The following PTPN12 variants were observed in gnomAD, a reference collection of about 807,000 sequenced individuals.
PTPN12 encodes the protein protein tyrosine phosphatase non-receptor type 12, also known as tyrosine-protein phosphatase non-receptor type 12.
PTPN12 carries 29 observed loss-of-function variants against 97.6 expected under a neutral mutation model. The observed-to-expected ratio is 0.30, with a 90% CI of 0.22 to 0.41. The LOEUF is 0.41. Among genes scored for constraint, PTPN12 ranks in the 10% least tolerant of loss-of-function variants. The pLI, the probability that PTPN12 is intolerant of heterozygous loss-of-function variation, is 1.00. For synonymous variants in PTPN12, 327 were observed against 300.4 expected, an observed-to-expected ratio of 1.09 and a Z score of -0.91; for missense variants, 819 against 926.0, an observed-to-expected ratio of 0.88 and a Z score of 1.50.
chr7:77,544,192 T>G (rs1807117206), intron 1 of PTPN12, among the ~76,000 whole-genome samples: 1 of 152,242 alleles, frequency 6.6e-6, no homozygotes, highest in Admixed American at 6.5e-5. Flanking sequence ...TCTTTTTGAT[T>G]ATAGGCATCC....
intron 2 of PTPN12, among the ~76,000 whole-genome samples, chr7:77,576,267 C>T (rs1361038527): frequency 6.6e-6 from 1 of 152,170 alleles, no homozygotes; most frequent in Non-Finnish European, 1.5e-5. Flanking sequence ...TTGAATAATG[C>T]TGCTATGAAC....
Position 77,639,467 on chromosome 7 carries a change from T to C in PTPN12, c.*187T>C, listed in dbSNP as rs1789722374. The C allele has an allele frequency of 1.9e-6, 1 of 529,430 alleles. No individual in the cohort carries two copies. Among genetic ancestry groups the C allele is most frequent in the Admixed American group, 3.6e-5 (1 of 27,610 alleles). The allele number at this position is 529,430 out of a possible 1,614,324, so 32.8% of individuals were successfully genotyped here. A position where few individuals can be genotyped will look rare whatever the true frequency, so the allele number is the denominator to read the frequency against. On this transcript the variant is annotated 3_prime_UTR_variant, in exon 18 of 18. Coordinates refer to ENST00000248594, the MANE Select transcript of PTPN12 (RefSeq NM_002835.4). The stretch of plus-strand genomic sequence containing the variant: ...AGGAAAAAGTATTACATATGGTTTA[T>C]TTTGAAACTTCAAGTATTATTGCCT...
chr7:77,540,038 G>A (rs1252200167), intron 1 of PTPN12, among the ~76,000 whole-genome samples: 1 of 151,956 alleles, frequency 6.6e-6, no homozygotes, highest in African/African-American at 2.4e-5. Context: ...GTGGTCCCTG[G>A]TCATTTCTTG....
intron 1 of PTPN12, among the ~76,000 whole-genome samples, chr7:77,557,418 TG>T (rs773426704): frequency 1.3e-5 from 2 of 152,212 alleles, no homozygotes; most frequent in Non-Finnish European, 2.9e-5. Flanking sequence ...CTCTCCAGTT[TG>T]GGGGCAGCTG....
chr7:77,576,466 G>A (rs571612768), intron 2 of PTPN12, among the ~76,000 whole-genome samples: 30 of 152,092 alleles, frequency 2.0e-4, no homozygotes, highest in Non-Finnish European at 3.4e-4. Flanking sequence ...TTGGGAGGCC[G>A]AAGCGGGCAG....
At position 77,537,536 on chromosome 7, in the gene PTPN12, G is replaced by T. The variant is rs1468460796; in HGVS notation, c.-11G>T. On this transcript the variant is annotated 5_prime_UTR_variant, in exon 1 of 18. Transcript: ENST00000248594. Reference sequence around the variant, plus strand: ...GGGGGCCAGCGACCGCAGCCGGGGGGACGCGGGAGGATGGAGCAAGTGGAG... The same window carrying T: ...GGGGGCCAGCGACCGCAGCCGGGGGTACGCGGGAGGATGGAGCAAGTGGAG... The T allele has an allele frequency of 1.3e-6, 2 of 1,586,740 alleles. No homozygotes were observed. The highest frequency in any genetic ancestry group is 1.7e-5 in the Admixed American group (1 of 57,418).
At chr7:77,626,556 A>T in intron 12 of PTPN12, 149 bp from the exon 13 acceptor site, 1 of 735,488 alleles carries the variant, frequency 1.4e-6, no homozygotes. Context: ...ACCTTGATGA[A>T]CATTAAATTT....
chr7:77,625,472 G>GCTCTCGCTCTCTCTCT (rs1554326599), intron 12 of PTPN12, among the ~76,000 whole-genome samples: 2 of 33,522 alleles, frequency 6.0e-5, no homozygotes, highest in Non-Finnish European at 1.0e-4. Flanking sequence ...CAGGCTGCTC[G>GCTCTCGCTCTCTCTCT]CTCTCTCTCT....
chr7:77,559,519 G>A (rs1199387808), intron 1 of PTPN12, among the ~76,000 whole-genome samples: 2 of 152,156 alleles, frequency 1.3e-5, no homozygotes, highest in African/African-American at 2.4e-5. Context: ...AAAAGTGAGT[G>A]TCTTTAGGTA....
At chr7:77,613,357 T>G (rs1160111983) in intron 11 of PTPN12, among the ~76,000 whole-genome samples, 1 of 150,544 alleles carries the variant, frequency 6.6e-6, no homozygotes, top group Non-Finnish European at 1.5e-5. Flanking sequence ...GTATTTTTAG[T>G]AGAGACAGGG....
chr7:77,601,579 G>C (rs1231990037), intron 8 of PTPN12, among the ~76,000 whole-genome samples: 1 of 151,838 alleles, frequency 6.6e-6, no homozygotes, highest in Non-Finnish European at 1.5e-5. Context: ...TCAATTCTAA[G>C]ACACACCATT....
At position 77,537,495 on chromosome 7, in the gene PTPN12, G is replaced by A; in HGVS notation, c.-52G>A. The A allele has an allele frequency of 6.6e-7, 1 of 1,521,058 alleles. No homozygotes were observed. The highest frequency in any genetic ancestry group is 1.2e-5 in the South Asian group (1 of 81,636). The allele number at this position is 1,521,058 out of a possible 1,614,324, so 94.2% of individuals were successfully genotyped here. ...GGAAGACGGAGCGGGCTCTGTGCCG[G>A]GCGGGCGGGCGGCGGGGGGGCCAGC... On this transcript the variant is annotated 5_prime_UTR_variant, in exon 1 of 18. Coordinates refer to ENST00000248594, the MANE Select transcript of PTPN12 (RefSeq NM_002835.4).
At chr7:77,607,151 C>T in intron 8 of PTPN12, 84 bp from the exon 9 acceptor site, 1 of 1,091,822 alleles carries the variant, frequency 9.2e-7, no homozygotes, top group Non-Finnish European at 1.3e-6. Flanking sequence ...TTTTTTGTTT[C>T]TGAATATTAA....
In PTPN12 at chr7:77,636,907, A is replaced by G. The variant is rs111334550; in HGVS notation, c.2143-111A>G. 1.4e-3 allele frequency: 1,035 copies of G among 733,216 alleles called. 8 individuals carry two copies. Among genetic ancestry groups the G allele is most frequent in the African/African-American group, 0.013 (700 of 54,802 alleles). The allele number at this position is 733,216 out of a possible 1,614,324, so 45.4% of individuals were successfully genotyped here. On this transcript the variant is annotated intron_variant, in intron 15 of 17. Coordinates refer to ENST00000248594, the MANE Select transcript of PTPN12 (RefSeq NM_002835.4). Reference sequence around the variant, plus strand: ...ATTGTTTGCTTTTCCTCTGATGCTGAAAATGATAGGCCTTGATTTCTTGGG... The same window carrying G: ...ATTGTTTGCTTTTCCTCTGATGCTGGAAATGATAGGCCTTGATTTCTTGGG...
chr7:77,576,972 C>A (rs1562723707), intron 2 of PTPN12, among the ~76,000 whole-genome samples: 1 of 152,156 alleles, frequency 6.6e-6, no homozygotes, highest in African/African-American at 2.4e-5. Flanking sequence ...TGGCTGACCC[C>A]ACAATTGAAC....
At chr7:77,601,198 T>A (rs1788177251) in intron 8 of PTPN12, among the ~76,000 whole-genome samples, 2 of 152,102 alleles carry the variant, frequency 1.3e-5, no homozygotes, top group Admixed American at 6.6e-5. Context: ...AACACTGACA[T>A]GAGATTTTTA....
In PTPN12 at chr7:77,638,745, T is replaced by C; in HGVS notation, c.2281+14T>C. 6.3e-7 allele frequency: 1 copy of C among 1,589,962 alleles called. No homozygotes were observed. The highest frequency in any genetic ancestry group is 2.3e-5 in the East Asian group (1 of 43,744). ...CCACAGATATTGGTAATTTGTTTAATAAATAATTTTTAGTAAGTAGTTAAC... is the reference window on the plus strand; with the variant it reads ...CCACAGATATTGGTAATTTGTTTAACAAATAATTTTTAGTAAGTAGTTAAC... On this transcript the variant is annotated intron_variant, in intron 17 of 17. Coordinates refer to ENST00000248594, the MANE Select transcript of PTPN12 (RefSeq NM_002835.4).
At chr7:77,544,488 G>A (rs950252985) in intron 1 of PTPN12, among the ~76,000 whole-genome samples, 5 of 152,136 alleles carry the variant, frequency 3.3e-5, no homozygotes, top group African/African-American at 1.2e-4. Context: ...TTTACTTTAA[G>A]CATTCTCAAG....
At chr7:77,598,824 T>G (rs1788101271) in intron 7 of PTPN12, among the ~76,000 whole-genome samples, 1 of 150,628 alleles carries the variant, frequency 6.6e-6, no homozygotes. Context: ...ATATATAATA[T>G]ATATTATTAT....
Sources: gnomAD v4.1 joint callset for allele counts (sites outside exome capture counted in the v4.1 genomes callset) on GRCh38, gnomAD v4.1.1 for gene constraint, MANE v1.5 for transcripts, NCBI Gene and HGNC (gene_info 2026-07-23, HGNC 2026-07-21) for gene names.